MAP7: variants seen among roughly 807,000 people sequenced by gnomAD.
MAP7 encodes ensconsin.
A neutral mutation model predicts 94.8 loss-of-function variants in MAP7; 52 were observed. The ratio of observed to expected loss-of-function variants is 0.55; its 90% CI spans 0.44 to 0.69. The LOEUF is 0.69. Among genes scored for constraint, MAP7 ranks in the 30% least tolerant of loss-of-function variants. The pLI is 0.00. For synonymous variants in MAP7, 350 were observed against 357.0 expected, an observed-to-expected ratio of 0.98 and a Z score of 0.22; for missense variants, 940 against 964.6, an observed-to-expected ratio of 0.97 and a Z score of 0.34.
chr6:136,360,084 C>A, intron 13 of MAP7, 53 bp from the exon 14 acceptor site: 2 of 1,402,962 alleles, frequency 1.4e-6, no homozygotes, highest in Admixed American at 2.0e-5. Context: ...AAAAAGCCAG[C>A]CTGGCATATT....
chr6:136,393,180 C>T (rs1781261827), intron 3 of MAP7, among the ~76,000 whole-genome samples: 1 of 152,128 alleles, frequency 6.6e-6, no homozygotes, highest in South Asian at 2.1e-4. Context: ...CCACTGCTCT[C>T]CAAAATAGCC....
At chr6:136,366,285 C>CT in intron 9 of MAP7, 42 bp downstream of exon 9, 1 of 1,492,068 alleles carries the variant, frequency 6.7e-7, no homozygotes, top group Non-Finnish European at 9.4e-7. Context: ...TACTAATTCT[C>CT]TAACATGAAA....
chr6:136,505,297 A>G (rs1206204567), intron 1 of MAP7, among the ~76,000 whole-genome samples: 2 of 135,732 alleles, frequency 1.5e-5, no homozygotes, highest in South Asian at 2.3e-4. Context: ...ATATATATAT[A>G]TATATATATA....
At chr6:136,481,971 C>T (rs866825639) in intron 1 of MAP7, among the ~76,000 whole-genome samples, 4 of 152,094 alleles carry the variant, frequency 2.6e-5, no homozygotes, top group African/African-American at 9.7e-5. Flanking sequence ...ATTCTTTGTC[C>T]TATTCTTGCA....
At chr6:136,460,707 C>T (rs1263564526) in intron 1 of MAP7, among the ~76,000 whole-genome samples, 2 of 152,092 alleles carry the variant, frequency 1.3e-5, no homozygotes, top group African/African-American at 2.4e-5. Context: ...ACTTGCCATC[C>T]TGGGACTAGA....
chr6:136,514,915 CAA>C (rs1824372031), intron 1 of MAP7, among the ~76,000 whole-genome samples: 1 of 152,238 alleles, frequency 6.6e-6, no homozygotes, highest in African/African-American at 2.4e-5. Context: ...TATCCCCTAA[CAA>C]GAGATTCAGC....
rs1249595042 is a variant in MAP7, at chr6:136,359,253, C to T, written c.1912+567G>A. On this transcript the variant is annotated intron_variant, in intron 15 of 17. Coordinates refer to ENST00000354570, the MANE Select transcript of MAP7 (RefSeq NM_003980.6). ...CTGTACATTATATGTATGGAAATAT[C>T]ACTCTGGACCCCAAGAATATGTACA... 5.3e-5 allele frequency among the ~76,000 whole-genome samples: 8 copies of T among 151,976 alleles called. No homozygotes were observed. The East Asian group carries it at 1.5e-3, about 29-fold the overall frequency.
intron 1 of MAP7, among the ~76,000 whole-genome samples, chr6:136,529,157 G>A (rs758792173): frequency 1.3e-5 from 2 of 152,044 alleles, no homozygotes; most frequent in African/African-American, 2.4e-5. Flanking sequence ...TCTCGCTGTC[G>A]CCAGGCTGGA....
chr6:136,401,923 T>TA (rs1203942076), intron 3 of MAP7, among the ~76,000 whole-genome samples: 3 of 152,198 alleles, frequency 2.0e-5, no homozygotes, highest in African/African-American at 7.2e-5. Context: ...TTCTAGTCTT[T>TA]AACCACTTCA....
intron 16 of MAP7, 107 bp downstream of exon 16, chr6:136,356,585 G>T: frequency 1.2e-6 from 1 of 810,212 alleles, no homozygotes; most frequent in East Asian, 2.7e-5. Flanking sequence ...AAATCAATGA[G>T]GCCCCCCCCA....
At chr6:136,526,991 T>A (rs929823124) in intron 1 of MAP7, among the ~76,000 whole-genome samples, 1 of 150,652 alleles carries the variant, frequency 6.6e-6, no homozygotes, top group African/African-American at 2.4e-5. Flanking sequence ...CAACGTGGAG[T>A]GTCTCCTCTG....
chr6:136,457,114 T>C (rs1224244752), intron 1 of MAP7, among the ~76,000 whole-genome samples: 1 of 150,580 alleles, frequency 6.6e-6, no homozygotes, highest in Admixed American at 6.6e-5. Context: ...CAGGAGATAT[T>C]ATAACTGATG....
At chr6:136,461,938 C>T (rs1046835428) in intron 1 of MAP7, among the ~76,000 whole-genome samples, 8 of 152,076 alleles carry the variant, frequency 5.3e-5, no homozygotes, top group African/African-American at 1.9e-4. Context: ...TATTTTAAAA[C>T]TTTAAGTTTT....
Position 136,388,582 on chromosome 6 carries a change from A to G in MAP7, c.409-72T>C, listed in dbSNP as rs963115145. The G allele has an allele frequency of 2.5e-6, 3 of 1,197,358 alleles. No individual in the cohort carries two copies. In the African/African-American group the frequency reaches 4.5e-5, roughly 18 times the overall value. 74.2% of individuals were successfully genotyped at this position (1,197,358 alleles called of 1,614,324 possible). On this transcript the variant is annotated intron_variant, in intron 4 of 17. Transcript: ENST00000354570. ...TGAAGCTTCTTCAATTTAAGGCAGA[A>G]TGGAGTGAGGAGTACTACTTCAATT... is the stretch of plus-strand genomic sequence containing the variant.
intron 1 of MAP7, among the ~76,000 whole-genome samples, chr6:136,521,304 T>C (rs373261860): frequency 4.1e-4 from 63 of 152,330 alleles, no homozygotes; most frequent in African/African-American, 1.4e-3. Flanking sequence ...AGTTTATTTC[T>C]AATGGGCAGA....
At chr6:136,442,907 C>A in intron 1 of MAP7, among the ~76,000 whole-genome samples, 1 of 152,090 alleles carries the variant, frequency 6.6e-6, no homozygotes, top group East Asian at 1.9e-4. Flanking sequence ...CTGGTAAAGT[C>A]AGGCTGAATC....
At chr6:136,450,582 C>T (rs574840658) in intron 1 of MAP7, among the ~76,000 whole-genome samples, 3 of 151,954 alleles carry the variant, frequency 2.0e-5, no homozygotes, top group Middle Eastern at 3.4e-3. Flanking sequence ...GTCGGGAGTT[C>T]GAGACCAGCC....
chr6:136,361,271 CT>C, intron 11 of MAP7, 92 bp from the exon 12 acceptor site: 1 of 1,325,870 alleles, frequency 7.5e-7, no homozygotes, highest in Non-Finnish European at 1.0e-6. Context: ...AGGGCGGTTC[CT>C]TTAGGCGTCC....
intron 1 of MAP7, among the ~76,000 whole-genome samples, chr6:136,479,194 G>A (rs941362734): frequency 4.6e-5 from 7 of 152,060 alleles, no homozygotes; most frequent in Admixed American, 2.6e-4. Context: ...TTTATCCCAG[G>A]AATGAAAGGA....
Sources: gnomAD v4.1 joint callset for allele counts (sites outside exome capture counted in the v4.1 genomes callset) on GRCh38, gnomAD v4.1.1 for gene constraint, MANE v1.5 for transcripts, NCBI Gene and HGNC (gene_info 2026-07-23, HGNC 2026-07-21) for gene names.